Variants in FSTL4 observed in about 807,000 individuals in gnomAD.
The protein encoded by FSTL4 is follistatin-related protein 4.
Under a neutral mutation model 78.2 loss-of-function variants are expected in FSTL4, and 28 were observed. The ratio of observed to expected loss-of-function variants is 0.36; its 90% CI spans 0.27 to 0.49. FSTL4 has a LOEUF of 0.49. Ranked by LOEUF, FSTL4 falls within the 20% of genes least tolerant of loss-of-function variation. FSTL4 has a pLI of 0.98. For synonymous variants in FSTL4, 422 were observed against 440.5 expected, an observed-to-expected ratio of 0.96 and a Z score of 0.53; for missense variants, 922 against 1,084.9, an observed-to-expected ratio of 0.85 and a Z score of 2.11.
intron 4 of FSTL4, chr5:133,387,746 T>C (rs529424773): frequency 4.6e-5 from 7 of 152,278 alleles, no homozygotes; most frequent in South Asian, 4.2e-4. Flanking sequence ...AGACACACTA[T>C]GACCCGCTGC....
the FSTL4 span, among the ~76,000 whole-genome samples, chr5:133,814,564 C>A: frequency 6.6e-6 from 1 of 152,142 alleles, no homozygotes; most frequent in Non-Finnish European, 1.5e-5. Flanking sequence ...TTTTGGTGTT[C>A]TGGAGAGAAA....
chr5:133,383,498 G>T (rs1561694732), intron 4 of FSTL4, among the ~76,000 whole-genome samples: 1 of 152,162 alleles, frequency 6.6e-6, no homozygotes, highest in African/African-American at 2.4e-5. Flanking sequence ...CCCATTGAAT[G>T]ACAAACCAGT....
intron 3 of FSTL4, among the ~76,000 whole-genome samples, chr5:133,468,241 T>C (rs539953984): frequency 5.3e-5 from 8 of 152,350 alleles, no homozygotes; most frequent in African/African-American, 1.9e-4. Context: ...ACAAGGGCTC[T>C]GTGGGTCTTG....
At chr5:133,747,666 T>C in the FSTL4 span, among the ~76,000 whole-genome samples, 2 of 152,222 alleles carry the variant, frequency 1.3e-5, no homozygotes, top group African/African-American at 2.4e-5. Flanking sequence ...GATCAGCGAT[T>C]AGAGAATGAA....
At chr5:133,831,898 A>G in the FSTL4 span, among the ~76,000 whole-genome samples, 37 of 152,210 alleles carry the variant, frequency 2.4e-4, no homozygotes, top group Non-Finnish European at 4.6e-4. Flanking sequence ...CCTGTGTCCA[A>G]GGGTCAGAAA....
intron 3 of FSTL4, among the ~76,000 whole-genome samples, chr5:133,493,963 G>C (rs1029970217): frequency 3.9e-5 from 6 of 152,078 alleles, no homozygotes; most frequent in Non-Finnish European, 7.4e-5. Context: ...CACTGCTTCA[G>C]ACTACACAAG....
intron 3 of FSTL4, among the ~76,000 whole-genome samples, chr5:133,559,713 C>CTA (rs1324817870): frequency 6.6e-6 from 1 of 152,234 alleles, no homozygotes; most frequent in Admixed American, 6.5e-5. Flanking sequence ...CCACACCGAC[C>CTA]TATAGCTTGC....
chr5:133,443,408 C>T (rs187135944), intron 3 of FSTL4, among the ~76,000 whole-genome samples: 171 of 152,340 alleles, frequency 1.1e-3, no homozygotes, highest in African/African-American at 3.8e-3. Context: ...CTAGTGTTGG[C>T]GCAACTCATT....
At chr5:133,651,682 T>C in the FSTL4 span, among the ~76,000 whole-genome samples, 2 of 152,002 alleles carry the variant, frequency 1.3e-5, no homozygotes, top group Non-Finnish European at 2.9e-5. Flanking sequence ...GTCGCCTGAT[T>C]TGCTTATATT....
the FSTL4 span, among the ~76,000 whole-genome samples, chr5:133,740,656 A>G: frequency 6.6e-6 from 1 of 152,194 alleles, no homozygotes; most frequent in East Asian, 1.9e-4. Flanking sequence ...ACCATTTATA[A>G]GAACACTCCC....
chr5:133,730,322 C>A, the FSTL4 span, among the ~76,000 whole-genome samples: 3 of 152,336 alleles, frequency 2.0e-5, no homozygotes, highest in East Asian at 5.8e-4. Context: ...GAAGAGCCAA[C>A]TATTTTTCTT....
intron 3 of FSTL4, among the ~76,000 whole-genome samples, chr5:133,486,597 G>A (rs1429041006): frequency 6.6e-6 from 1 of 152,174 alleles, no homozygotes; most frequent in Admixed American, 6.5e-5. Flanking sequence ...CCCGACACAA[G>A]CTACTCTCAT....
At chr5:133,609,796 C>G (rs1327027123) in intron 1 of FSTL4, among the ~76,000 whole-genome samples, 2 of 152,264 alleles carry the variant, frequency 1.3e-5, no homozygotes, top group African/African-American at 4.8e-5. Flanking sequence ...TTTATCCTTA[C>G]AACCTTCAGC....
intron 3 of FSTL4, among the ~76,000 whole-genome samples, chr5:133,453,333 A>C (rs1580718772): frequency 6.6e-6 from 1 of 152,286 alleles, no homozygotes; most frequent in East Asian, 1.9e-4. Flanking sequence ...CTGAGTGTAC[A>C]CAGACTGCAT....
At chr5:133,535,432 A>G (rs1342729528) in intron 3 of FSTL4, among the ~76,000 whole-genome samples, 3 of 152,262 alleles carry the variant, frequency 2.0e-5, no homozygotes, top group Non-Finnish European at 2.9e-5. Context: ...TTCTTAAGCC[A>G]CAAACAAAAG....
chr5:133,529,953 CTT>C (rs1759216591), intron 3 of FSTL4, among the ~76,000 whole-genome samples: 1 of 151,822 alleles, frequency 6.6e-6, no homozygotes. Flanking sequence ...GAAGACGTGA[CTT>C]TGTGTAACCA....
chr5:133,668,341 C>A, the FSTL4 span, among the ~76,000 whole-genome samples: 2 of 152,138 alleles, frequency 1.3e-5, no homozygotes, highest in South Asian at 2.1e-4. Context: ...AGGAAATCAG[C>A]CTCTCTCACA....
Position 133,556,049 on chromosome 5 carries a change from G to C in FSTL4, c.160+11137C>G, listed in dbSNP as rs532963394. 2.0e-5 allele frequency among the ~76,000 whole-genome samples: 3 copies of C among 152,280 alleles called. No homozygotes were observed. The East Asian group carries it at 5.8e-4, about 29-fold the overall frequency. ...CAGCAAGACACAGCTCCCCGAGATG[G>C]GAGGTTGGGGGAGGTCCCAGGACCT... On this transcript the variant is annotated intron_variant, in intron 3 of 15. Transcript: ENST00000265342.
chr5:133,406,529 C>G (rs996355049), intron 3 of FSTL4, among the ~76,000 whole-genome samples: 1 of 152,196 alleles, frequency 6.6e-6, no homozygotes, highest in Non-Finnish European at 1.5e-5. Context: ...TGACTACAGG[C>G]TACCTTGGTG....
Sources: allele counts gnomAD v4.1 joint callset (sites outside exome capture counted in the v4.1 genomes callset), GRCh38; gene constraint gnomAD v4.1.1; transcripts MANE v1.5; gene names NCBI Gene and HGNC (gene_info 2026-07-23, HGNC 2026-07-21).